The following BPI variants were observed in gnomAD, a reference collection of about 807,000 sequenced individuals.
BPI encodes bactericidal permeability increasing protein.
BPI carries 48 observed loss-of-function variants against 57.6 expected under a neutral mutation model. That is an observed-to-expected ratio of 0.83 (90% CI 0.66 to 1.06). The LOEUF (loss-of-function observed/expected upper bound fraction) is 1.06, where lower values mean the gene tolerates loss of function less well. BPI is among the 50% of genes least tolerant of loss of function. The pLI is 0.00. For missense variants in BPI, 651 were observed against 609.7 expected (o/e 1.07, Z -0.71); for synonymous variants, 237 against 238.2 (o/e 0.99, Z 0.05).
intron 1 of BPI, among the ~76,000 whole-genome samples, chr20:38,306,315 G>A (rs568703319): frequency 9.8e-5 from 15 of 152,346 alleles, no homozygotes; most frequent in South Asian, 4.1e-4. Flanking sequence ...GATTACAGGC[G>A]TGAGCCACCG....
At chr20:38,332,893 G>T (rs758283509) in intron 12 of BPI, among the ~76,000 whole-genome samples, 4 of 152,080 alleles carry the variant, frequency 2.6e-5, no homozygotes, top group Non-Finnish European at 5.9e-5. Context: ...TGTGTCTAAC[G>T]TCAGAAGCTG....
intron 1 of BPI, 128 bp downstream of exon 1, chr20:38,304,481 C>A (rs1456817777): frequency 2.4e-6 from 3 of 1,274,348 alleles, no homozygotes; most frequent in Admixed American, 2.8e-5. Context: ...CCCTTGCCCC[C>A]ATTTTATATA....
At chr20:38,317,764 A>G in intron 5 of BPI, 2 of 1,314,484 alleles carry the variant, frequency 1.5e-6, no homozygotes, top group Admixed American at 2.0e-5. Flanking sequence ...CGTTTTACAG[A>G]TGAAGAAATA....
rs373803087 is a variant in BPI at position 38,307,612 on chromosome 20, T to TCAA, written c.177_179dup (p.Ile59_Lys60insAsn). 896 of 1,611,876 alleles carry TCAA rather than the reference T, an allele frequency of 5.6e-4. 4 individuals are homozygous for TCAA. In the African/African-American group the frequency reaches 9.7e-3, roughly 18 times the overall value. On this transcript the variant is annotated inframe_insertion, in exon 2 of 15. Coordinates refer to ENST00000642449, the MANE Select transcript of BPI (RefSeq NM_001725.3). ...GCTCTGCAGAAGGAGCTGAAGAGGA[T>TCAA]CAAGATTCCTGACTACTCAGACAGC...
At position 38,331,038 on chromosome 20, in the gene BPI, C is replaced by G. The variant is rs746831936; in HGVS notation, c.1230-10C>G. 5 of 1,613,948 alleles carry G rather than the reference C, an allele frequency of 3.1e-6. No homozygotes were observed. Among genetic ancestry groups the G allele is most frequent in the Non-Finnish European group, 8.5e-7 (1 of 1,179,964 alleles). On this transcript the variant is annotated splice_polypyrimidine_tract_variant and intron_variant, in intron 11 of 14. Coordinates refer to ENST00000642449, the MANE Select transcript of BPI (RefSeq NM_001725.3). ...TTGGTGGTCTCAGTCCCCTCCTCCCCCTCTCACAGGCTGCTCCTGGAACTG... is the reference window on the plus strand; with the variant it reads ...TTGGTGGTCTCAGTCCCCTCCTCCCGCTCTCACAGGCTGCTCCTGGAACTG...
At chr20:38,321,178 T>C (rs1270489253) in intron 7 of BPI, among the ~76,000 whole-genome samples, 9 of 129,740 alleles carry the variant, frequency 6.9e-5, no homozygotes, top group African/African-American at 2.7e-4. Context: ...GATGGATGGA[T>C]GGATGGATAC....
intron 5 of BPI, among the ~76,000 whole-genome samples, chr20:38,314,267 A>C (rs1258484896): frequency 1.1e-5 from 1 of 94,010 alleles, no homozygotes; most frequent in Non-Finnish European, 2.1e-5. Context: ...TGATGGTGAG[A>C]TTGATGATGG....
chr20:38,321,221 A>G (rs1257088728), intron 7 of BPI, among the ~76,000 whole-genome samples: 1 of 114,782 alleles, frequency 8.7e-6, no homozygotes, highest in African/African-American at 3.3e-5. Context: ...GAGTGGGTGG[A>G]TGAATGGATG....
In BPI at chr20:38,337,504, G is replaced by A. The variant is rs2256754; in HGVS notation, c.*320G>A. The A allele has an allele frequency of 0.63, 172,269 of 275,610 alleles. 54,620 individuals are homozygous for A. Among genetic ancestry groups the A allele is most frequent in the African/African-American group, 0.74 (33,144 of 44,786 alleles). 17.1% of individuals were successfully genotyped at this position (275,610 alleles called of 1,614,324 possible). A position where few individuals can be genotyped will look rare whatever the true frequency, so the allele number is the denominator to read the frequency against. Reference sequence around the variant, plus strand: ...AAAAACTTCTGGTTTTTTTCATGTGGATTCTGTGTGCTGGTATTGTTTCTT... The same window carrying A: ...AAAAACTTCTGGTTTTTTTCATGTGAATTCTGTGTGCTGGTATTGTTTCTT... On this transcript the variant is annotated 3_prime_UTR_variant, in exon 15 of 15. Coordinates refer to ENST00000642449, the MANE Select transcript of BPI (RefSeq NM_001725.3).
chr20:38,314,988 G>A (rs1421055547), intron 5 of BPI, among the ~76,000 whole-genome samples: 1 of 151,228 alleles, frequency 6.6e-6, no homozygotes, highest in Non-Finnish European at 1.5e-5. Context: ...AGTTTCAATG[G>A]TGATAGCGAG....
intron 3 of BPI, among the ~76,000 whole-genome samples, chr20:38,309,363 C>T (rs2076611399): frequency 6.6e-6 from 1 of 152,148 alleles, no homozygotes; most frequent in Non-Finnish European, 1.5e-5. Context: ...GTGTAACAAA[C>T]CATCCCAAAT....
intron 11 of BPI, among the ~76,000 whole-genome samples, chr20:38,328,052 G>A (rs1051502908): frequency 2.6e-5 from 4 of 152,106 alleles, no homozygotes; most frequent in African/African-American, 4.8e-5. Context: ...AGGAGATCCC[G>A]CTTCAACTTC....
At chr20:38,313,836 TG>T (rs925130324) in intron 5 of BPI, among the ~76,000 whole-genome samples, 5 of 149,860 alleles carry the variant, frequency 3.3e-5, no homozygotes, top group African/African-American at 9.9e-5. Flanking sequence ...ATAATGGTGA[TG>T]GTGATGATGG....
At chr20:38,324,998 G>A (rs1226227212) in intron 9 of BPI, among the ~76,000 whole-genome samples, 165 bp downstream of exon 9, 1 of 152,200 alleles carries the variant, frequency 6.6e-6, no homozygotes, top group Admixed American at 6.5e-5. Context: ...ACAGAGAAAA[G>A]CTCCAAGCGC....
In BPI at chr20:38,334,460, A is replaced by G. The variant is rs777167511; in HGVS notation, c.1303A>G (p.Ile435Val). The stretch of plus-strand genomic sequence containing the variant: ...ATTGCTGCAGGATATCATGAACTAC[A>G]TTGTACCCATTCTTGTGCTGCCCAG... ...VELLQDIMNY[I>V]VPILVLPRVN... The change falls in exon 13 of 15, where the codon ATT (isoleucine) becomes GTT (valine). Residue 435 changes from isoleucine (I) to valine (V), a missense_variant. Ile to Val is a conservative substitution (Grantham distance 29). Transcript: ENST00000642449. 6.2e-7 allele frequency: 1 copy of G among 1,613,946 alleles called. No individual in the cohort carries two copies. The highest frequency in any genetic ancestry group is 1.1e-5 in the South Asian group (1 of 91,068).
chr20:38,329,629 G>A (rs867782760), intron 11 of BPI, among the ~76,000 whole-genome samples: 1 of 152,204 alleles, frequency 6.6e-6, no homozygotes, highest in Non-Finnish European at 1.5e-5. Flanking sequence ...CTCTTGAGGA[G>A]CAAGGGCAAG....
At chr20:38,320,118 T>C in intron 6 of BPI, 65 bp from the exon 7 acceptor site, 1 of 1,329,322 alleles carries the variant, frequency 7.5e-7, no homozygotes, top group Non-Finnish European at 1.1e-6. Context: ...ATTCTGATCC[T>C]GCATTTCAGC....
At chr20:38,318,271 C>G (rs953956725) in intron 5 of BPI, 142 bp from the exon 6 acceptor site, 1 of 1,144,120 alleles carries the variant, frequency 8.7e-7, no homozygotes, top group South Asian at 1.3e-5. Context: ...TCCTGGTGGC[C>G]AAAAAGAAAA....
rs2076720249 is a variant in BPI at position 38,327,633 on chromosome 20, G to T, written c.1207G>T (p.Val403Phe). 4 of 1,613,672 alleles carry T rather than the reference G, an allele frequency of 2.5e-6. No homozygotes were observed. Among genetic ancestry groups the T allele is most frequent in the African/African-American group, 2.7e-5 (2 of 74,934 alleles). ...MEVSAESNRL[V>F]GELKLDRLLL... ...GGTCAGCGCCGAGTCCAACAGGCTT[G>T]TTGGAGAGCTCAAGCTGGATAGGTA... Residue 403 changes from valine (V) to phenylalanine (F), a missense_variant, in exon 11 of 15, where the codon GTT (valine) becomes TTT (phenylalanine). Coordinates refer to ENST00000642449, the MANE Select transcript of BPI (RefSeq NM_001725.3).
Sources: allele counts gnomAD v4.1 joint callset (sites outside exome capture counted in the v4.1 genomes callset), GRCh38; gene constraint gnomAD v4.1.1; transcripts MANE v1.5; gene names NCBI Gene and HGNC (gene_info 2026-07-23, HGNC 2026-07-21).